Variants in ARMC8 observed in about 807,000 individuals in gnomAD.
The protein encoded by ARMC8 is armadillo repeat-containing protein 8.
A neutral mutation model predicts 99.3 loss-of-function variants in ARMC8; 20 were observed. That is an observed-to-expected ratio of 0.20 (90% CI 0.14 to 0.29). The LOEUF is 0.29. ARMC8 is among the 10% of genes least tolerant of loss of function. The pLI, the probability that ARMC8 is intolerant of heterozygous loss-of-function variation, is 1.00. For synonymous variants in ARMC8, 263 were observed against 278.3 expected, an observed-to-expected ratio of 0.95 and a Z score of 0.55; for missense variants, 569 against 809.5, an observed-to-expected ratio of 0.70 and a Z score of 3.60.
Position 138,223,646 on chromosome 3 carries a change from C to G in ARMC8, c.348C>G (p.Ser116=). The change falls in exon 5 of 22, where the codon TCC becomes TCG. Residue 116 remains serine, a synonymous_variant. Coordinates refer to ENST00000469044, the MANE Select transcript of ARMC8 (RefSeq NM_001363941.2). The stretch of plus-strand genomic sequence containing the variant: ...CATTTCTGTTAATAGGACTACTGTC[C>G]CCAGACCTGAAGTTTATTGAAGCTT... ...IIPALLQGLL[S]PDLKFIEACL... is the part of the protein sequence containing the mutation. 6.2e-7 allele frequency: 1 copy of G among 1,614,112 alleles called. No homozygotes were observed. Among genetic ancestry groups the G allele is most frequent in the Non-Finnish European group, 8.5e-7 (1 of 1,180,000 alleles).
chr3:138,287,588 T>C, intron 19 of ARMC8: 1 of 456,036 alleles, frequency 2.2e-6, no homozygotes. Flanking sequence ...TGATTGATTG[T>C]CTGAGGCTGG....
intron 1 of ARMC8, among the ~76,000 whole-genome samples, chr3:138,199,990 C>T (rs1196634920): frequency 6.6e-6 from 1 of 152,172 alleles, no homozygotes; most frequent in Non-Finnish European, 1.5e-5. Context: ...TCCCAGTTGA[C>T]CGGAAGGTTG....
intron 1 of ARMC8, among the ~76,000 whole-genome samples, chr3:138,188,788 C>T (rs1425669286): frequency 6.6e-6 from 1 of 152,200 alleles, no homozygotes; most frequent in Non-Finnish European, 1.5e-5. Context: ...TGGCAGACCT[C>T]AACCTTGAAA....
Position 138,274,473 on chromosome 3 carries a change from C to T in ARMC8, c.1654C>T (p.His552Tyr), listed in dbSNP as rs772344649. Residue 552 changes from histidine (H) to tyrosine (Y), a missense_variant, in exon 18 of 22, where the codon CAT becomes TAT. Transcript: ENST00000469044. ...RPHIDKIMST[H>Y]GKQIMQAVTL... Reference sequence around the variant, plus strand: ...GCATATAGATAAAATAATGAGTACTCATGGAAAGCAAATTATGCAAGCCGT... The same window carrying T: ...GCATATAGATAAAATAATGAGTACTTATGGAAAGCAAATTATGCAAGCCGT... 17 of 1,609,876 alleles carry T rather than the reference C, an allele frequency of 1.1e-5. No homozygotes were observed. In the Admixed American group the frequency reaches 1.3e-4, roughly 13 times the overall value.
intron 21 of ARMC8, among the ~76,000 whole-genome samples, chr3:138,291,424 C>T (rs1421203036): frequency 1.3e-5 from 2 of 152,246 alleles, no homozygotes; most frequent in Non-Finnish European, 2.9e-5. Flanking sequence ...CTCCTCTCCT[C>T]TGAGTCCCCA....
At chr3:138,274,785 G>T (rs2049116178) in intron 18 of ARMC8, among the ~76,000 whole-genome samples, 1 of 152,174 alleles carries the variant, frequency 6.6e-6, no homozygotes. Flanking sequence ...TGTGCACACT[G>T]TCCCTGTCTC....
chr3:138,195,202 C>T (rs1455911376), intron 1 of ARMC8, among the ~76,000 whole-genome samples: 3 of 150,598 alleles, frequency 2.0e-5, no homozygotes, highest in Non-Finnish European at 4.4e-5. Context: ...GGCGTGAACC[C>T]GGGAAGTGGA....
At chr3:138,267,812 T>A (rs993608974) in intron 15 of ARMC8, among the ~76,000 whole-genome samples, 1 of 152,242 alleles carries the variant, frequency 6.6e-6, no homozygotes, top group African/African-American at 2.4e-5. Context: ...AGTTTTATTA[T>A]GTCATAATAC....
chr3:138,245,276 G>C, intron 12 of ARMC8, 93 bp downstream of exon 12: 1 of 1,612,668 alleles, frequency 6.2e-7, no homozygotes, highest in Non-Finnish European at 8.5e-7. Flanking sequence ...CACTAACAGT[G>C]ACTGTTTGAA....
At chr3:138,260,993 G>C (rs1363710214) in intron 12 of ARMC8, among the ~76,000 whole-genome samples, 1 of 152,190 alleles carries the variant, frequency 6.6e-6, no homozygotes, top group Non-Finnish European at 1.5e-5. Flanking sequence ...TCAGGCATAA[G>C]CATCTAGTCC....
At chr3:138,293,302 G>A (rs2051156536) in intron 21 of ARMC8, among the ~76,000 whole-genome samples, 1 of 152,232 alleles carries the variant, frequency 6.6e-6, no homozygotes, top group Admixed American at 6.5e-5. Flanking sequence ...AGCACTTTGG[G>A]AGGCCGAGGT....
chr3:138,241,899 T>A lies in ARMC8; in HGVS notation c.954T>A (p.Ala318=). Residue 318 remains alanine (A), a synonymous_variant, in exon 11 of 22, where the codon GCT becomes GCA. Coordinates refer to ENST00000469044, the MANE Select transcript of ARMC8 (RefSeq NM_001363941.2). ...IEPDVELQRI[A]SITDHLIAML... ...CAGATGTTGAGCTACAGAGAATCGCTAGCATAACTGATCACCTCATTGCCA... is the reference window on the plus strand; with the variant it reads ...CAGATGTTGAGCTACAGAGAATCGCAAGCATAACTGATCACCTCATTGCCA... The A allele has an allele frequency of 6.2e-7, 1 of 1,614,118 alleles. No homozygotes were observed.
At chr3:138,201,473 T>C (rs1268933371) in intron 1 of ARMC8, among the ~76,000 whole-genome samples, 1 of 86,872 alleles carries the variant, frequency 1.2e-5, no homozygotes, top group Non-Finnish European at 2.2e-5. Flanking sequence ...TTTTTTTTTT[T>C]TTTTCCTGAG....
intron 21 of ARMC8, among the ~76,000 whole-genome samples, chr3:138,291,942 A>T (rs1181532873): frequency 6.6e-6 from 1 of 152,224 alleles, no homozygotes; most frequent in Admixed American, 6.5e-5. Flanking sequence ...TTTGGCTTTT[A>T]TTCAGAGTTT....
intron 11 of ARMC8, among the ~76,000 whole-genome samples, chr3:138,244,341 G>T (rs553147988): frequency 6.6e-6 from 1 of 151,966 alleles, no homozygotes; most frequent in Admixed American, 6.6e-5. Context: ...GCAGTGGCGC[G>T]ATCTCGGCTC....
rs1265207600 is a variant in ARMC8, at chr3:138,284,451, C to A, written c.1746C>A (p.Asn582Lys). ...VKEQTLCILA[N>K]IADGTTAKDL... ...TCCAGACACTGTGCATCTTAGCCAA[C>A]ATAGCGGATGGGACAACAGCAAAAG... is the stretch of plus-strand genomic sequence containing the variant. The change falls in exon 19 of 22, where the codon AAC becomes AAA. Residue 582 changes from asparagine to lysine, a missense_variant. Coordinates refer to ENST00000469044, the MANE Select transcript of ARMC8 (RefSeq NM_001363941.2). 6.2e-7 allele frequency: 1 copy of A among 1,613,432 alleles called. No individual in the cohort carries two copies. Among genetic ancestry groups the A allele is most frequent in the Non-Finnish European group, 8.5e-7 (1 of 1,179,532 alleles).
chr3:138,201,724 G>C (rs2044094991), intron 1 of ARMC8, among the ~76,000 whole-genome samples: 1 of 152,092 alleles, frequency 6.6e-6, no homozygotes, highest in African/African-American at 2.4e-5. Flanking sequence ...CTCCCAAAGT[G>C]CTGGGATTAC....
intron 12 of ARMC8, among the ~76,000 whole-genome samples, chr3:138,255,894 C>T (rs1576786490): frequency 6.6e-6 from 1 of 152,114 alleles, no homozygotes. Flanking sequence ...GTGGGAGAAT[C>T]GCTCGAACCC....
intron 5 of ARMC8, among the ~76,000 whole-genome samples, chr3:138,227,184 A>G (rs2045740632): frequency 6.6e-6 from 1 of 152,180 alleles, no homozygotes; most frequent in Non-Finnish European, 1.5e-5. Context: ...AATAATTGTT[A>G]TTTGCCTTAA....
Sources: allele counts gnomAD v4.1 joint callset (sites outside exome capture counted in the v4.1 genomes callset), GRCh38; gene constraint gnomAD v4.1.1; transcripts MANE v1.5; gene names NCBI Gene and HGNC (gene_info 2026-07-23, HGNC 2026-07-21).